The following CADPS variants were observed in gnomAD, a reference collection of about 807,000 sequenced individuals.
CADPS encodes calcium-dependent secretion activator 1.
Under a neutral mutation model 167.3 loss-of-function variants are expected in CADPS, and 57 were observed. That is an observed-to-expected ratio of 0.34 (90% CI 0.28 to 0.42). The LOEUF (loss-of-function observed/expected upper bound fraction) is 0.42. Among genes scored for constraint, CADPS ranks in the 20% least tolerant of loss-of-function variants. The pLI is 1.00. For synonymous variants in CADPS, 676 were observed against 635.3 expected, an observed-to-expected ratio of 1.06 and a Z score of -0.96; for missense variants, 1,414 against 1,738.1, an observed-to-expected ratio of 0.81 and a Z score of 3.32.
chr3:62,543,160 A>G, intron 11 of CADPS, among the ~76,000 whole-genome samples: 1 of 152,148 alleles, frequency 6.6e-6, no homozygotes, highest in East Asian at 1.9e-4. Flanking sequence ...TTAAAAAGTG[A>G]TTTACTTTTA....
chr3:62,609,995 G>A (rs1285221639), intron 6 of CADPS, among the ~76,000 whole-genome samples: 2 of 151,974 alleles, frequency 1.3e-5, no homozygotes, highest in African/African-American at 4.8e-5. Context: ...GAGCTGAGGT[G>A]GGAGAATCGC....
chr3:62,817,002 G>C (rs1253692326), intron 1 of CADPS, among the ~76,000 whole-genome samples: 1 of 152,090 alleles, frequency 6.6e-6, no homozygotes, highest in African/African-American at 2.4e-5. Flanking sequence ...AACCTAGGAG[G>C]AATCAGATAA....
chr3:62,582,029 G>A (rs1011861263), intron 8 of CADPS, among the ~76,000 whole-genome samples: 1 of 152,114 alleles, frequency 6.6e-6, no homozygotes, highest in African/African-American at 2.4e-5. Context: ...ATGGCCCAGT[G>A]GCTCATTCAA....
intron 1 of CADPS, among the ~76,000 whole-genome samples, chr3:62,775,608 C>T (rs1287753047): frequency 6.6e-6 from 1 of 152,110 alleles, no homozygotes; most frequent in Non-Finnish European, 1.5e-5. Context: ...AACAGGCTCC[C>T]TCCATTTACT....
chr3:62,631,855 T>C (rs904227630), intron 6 of CADPS, among the ~76,000 whole-genome samples: 2 of 152,138 alleles, frequency 1.3e-5, no homozygotes, highest in African/African-American at 2.4e-5. Context: ...GCCGAAGAGA[T>C]AGAGGTCTCC....
chr3:62,462,019 G>A (rs761494012), intron 26 of CADPS, among the ~76,000 whole-genome samples: 22 of 152,216 alleles, frequency 1.4e-4, no homozygotes, highest in Non-Finnish European at 2.8e-4. Context: ...ACAGAGGAAA[G>A]CATTGTCACT....
intron 26 of CADPS, among the ~76,000 whole-genome samples, chr3:62,460,705 C>A (rs2059234462): frequency 6.6e-6 from 1 of 152,224 alleles, no homozygotes; most frequent in South Asian, 2.1e-4. Context: ...ACACAAACGT[C>A]TCGCAAATTC....
At chr3:62,719,362 T>C (rs954198473) in intron 3 of CADPS, among the ~76,000 whole-genome samples, 1 of 152,198 alleles carries the variant, frequency 6.6e-6, no homozygotes, top group Admixed American at 6.5e-5. Flanking sequence ...AACCTACTCA[T>C]CCTTTACATA....
intron 8 of CADPS, among the ~76,000 whole-genome samples, chr3:62,579,591 TG>T (rs1425867184): frequency 6.6e-6 from 1 of 152,046 alleles, no homozygotes; most frequent in Non-Finnish European, 1.5e-5. Context: ...GTTGGAGATC[TG>T]GGTGAAAGGG....
At chr3:62,837,812 TTTC>T (rs2153024884) in intron 1 of CADPS, among the ~76,000 whole-genome samples, 1 of 152,328 alleles carries the variant, frequency 6.6e-6, no homozygotes, top group East Asian at 1.9e-4. Flanking sequence ...ATTCTGATTG[TTTC>T]TTCTTCTGTA....
intron 6 of CADPS, among the ~76,000 whole-genome samples, chr3:62,598,541 A>T (rs183913397): frequency 3.1e-4 from 47 of 152,336 alleles, no homozygotes; most frequent in Admixed American, 5.2e-4. Flanking sequence ...GCTAATAGTT[A>T]TTCAGATTAC....
At chr3:62,805,894 T>A (rs2094060306) in intron 1 of CADPS, among the ~76,000 whole-genome samples, 1 of 152,100 alleles carries the variant, frequency 6.6e-6, no homozygotes, top group African/African-American at 2.4e-5. Flanking sequence ...AAAACCACAG[T>A]TCTTGTTCAG....
intron 3 of CADPS, among the ~76,000 whole-genome samples, chr3:62,714,588 A>G (rs2151861861): frequency 6.6e-6 from 1 of 152,298 alleles, no homozygotes; most frequent in Non-Finnish European, 1.5e-5. Context: ...CCTGCCTGCA[A>G]AGTATCAGGT....
rs2094302930 is a variant in CADPS, at chr3:62,809,705, CA to C, written c.442-43722del. ...TTATTCCACTAGAACGTCAGGTCCA[CA>C]AGAGGAGGGATGAGGTTTGTCTTGC... On this transcript the variant is annotated intron_variant, in intron 1 of 29. Transcript: ENST00000383710. Among the ~76,000 whole-genome samples, 3 of 152,236 alleles carry C rather than the reference CA, an allele frequency of 2.0e-5. No homozygotes were observed. In the South Asian group the frequency reaches 6.2e-4, roughly 32 times the overall value.
intron 1 of CADPS, among the ~76,000 whole-genome samples, chr3:62,859,529 C>T (rs755178068): frequency 1.1e-4 from 16 of 152,126 alleles, no homozygotes; most frequent in African/African-American, 2.4e-4. Context: ...CGGGGGGAGA[C>T]GTGCTTCTGA....
intron 6 of CADPS, among the ~76,000 whole-genome samples, chr3:62,605,559 G>C (rs780313262): frequency 6.6e-6 from 1 of 152,180 alleles, no homozygotes; most frequent in African/African-American, 2.4e-5. Flanking sequence ...AGCAGTCAGC[G>C]TTATCTGGGC....
At chr3:62,659,316 C>T (rs1050015857) in intron 4 of CADPS, among the ~76,000 whole-genome samples, 5 of 152,000 alleles carry the variant, frequency 3.3e-5, no homozygotes, top group South Asian at 2.1e-4. Flanking sequence ...AGCCAATATC[C>T]GAGATCTTGA....
rs115780330 is a variant in CADPS at position 62,815,308 on chromosome 3, A to C, written c.442-49324T>G. On this transcript the variant is annotated intron_variant, in intron 1 of 29. Transcript: ENST00000383710. ...TACTGCTACATAAAAAAAAAAACTCACAAATTAGTGAGTGAAGAGGCCAGT... is the reference window on the plus strand; with the variant it reads ...TACTGCTACATAAAAAAAAAAACTCCCAAATTAGTGAGTGAAGAGGCCAGT... 3.0e-3 allele frequency among the ~76,000 whole-genome samples: 453 copies of C among 151,726 alleles called. 2 individuals are homozygous for C. The highest frequency in any genetic ancestry group is 0.01 in the African/African-American group (416 of 41,364).
chr3:62,463,886 C>T (rs2059653725), intron 26 of CADPS, among the ~76,000 whole-genome samples: 1 of 152,138 alleles, frequency 6.6e-6, no homozygotes. Flanking sequence ...ATCCTCGTAC[C>T]TGGGAAGGTC....
Sources: gnomAD v4.1 joint callset for allele counts (sites outside exome capture counted in the v4.1 genomes callset) on GRCh38, gnomAD v4.1.1 for gene constraint, MANE v1.5 for transcripts, NCBI Gene and HGNC (gene_info 2026-07-23, HGNC 2026-07-21) for gene names.